CAPRIN2: variants seen among roughly 807,000 people sequenced by gnomAD.
The protein encoded by CAPRIN2 is caprin family member 2.
In CAPRIN2, 66 loss-of-function variants were observed where a neutral mutation model predicts 130.4. That is an observed-to-expected ratio of 0.51 (90% CI 0.42 to 0.62). The LOEUF (loss-of-function observed/expected upper bound fraction) is 0.62. Among genes scored for constraint, CAPRIN2 ranks in the 20% least tolerant of loss-of-function variants. The pLI is 0.00. For synonymous variants in CAPRIN2, 471 were observed against 444.1 expected, an observed-to-expected ratio of 1.06 and a Z score of -0.76; for missense variants, 1,185 against 1,246.6, an observed-to-expected ratio of 0.95 and a Z score of 0.74.
At chr12:30,738,407 G>C (rs1320214771) in intron 3 of CAPRIN2, among the ~76,000 whole-genome samples, 1 of 151,954 alleles carries the variant, frequency 6.6e-6, no homozygotes, top group African/African-American at 2.4e-5. Context: ...ATATGACTTT[G>C]AATAAGTTCC....
chr12:30,734,228 A>G (rs2063689851), intron 4 of CAPRIN2, among the ~76,000 whole-genome samples: 1 of 152,230 alleles, frequency 6.6e-6, no homozygotes. Context: ...GGCTATATAT[A>G]GGCAATTAAG....
chr12:30,719,429 C>G lies in CAPRIN2; in HGVS notation c.2148+1382G>C, dbSNP rs893456283. 229 of 566,356 alleles carry G rather than the reference C, an allele frequency of 4.0e-4. 2 individuals are homozygous for G. The highest frequency in any genetic ancestry group is 8.0e-5 in the Non-Finnish European group (26 of 323,412). The allele number at this position is 566,356 out of a possible 1,614,324, so 35.1% of individuals were successfully genotyped here. A position where few individuals can be genotyped will look rare whatever the true frequency, so the allele number is the denominator to read the frequency against. ...GTATTTGCTTTGCACAGCTTGCTGA[C>G]TAAGTGAAAGAGTCTTACCAATAAT... On this transcript the variant is annotated intron_variant, in intron 12 of 16. Transcript: ENST00000298892.
chr12:30,725,147 A>G (rs1246210246), intron 9 of CAPRIN2, among the ~76,000 whole-genome samples: 3 of 152,230 alleles, frequency 2.0e-5, no homozygotes, highest in Non-Finnish European at 4.4e-5. Context: ...GCATCTATTT[A>G]TCTCAACCAT....
At chr12:30,713,575 T>C (rs1398132109) in intron 15 of CAPRIN2, among the ~76,000 whole-genome samples, 2 of 152,212 alleles carry the variant, frequency 1.3e-5, no homozygotes, top group African/African-American at 2.4e-5. Context: ...TAACACCTTC[T>C]AAGTTCCACA....
chr12:30,719,927 T>C (rs2058846818), intron 12 of CAPRIN2: 1 of 152,140 alleles, frequency 6.6e-6, no homozygotes, highest in African/African-American at 2.4e-5. Flanking sequence ...CTATAATGAA[T>C]ACATATTCTT....
chr12:30,733,222 T>G (rs1182582381), intron 5 of CAPRIN2, among the ~76,000 whole-genome samples: 1 of 152,144 alleles, frequency 6.6e-6, no homozygotes, highest in Non-Finnish European at 1.5e-5. Context: ...AACGTTTCAA[T>G]AGACTATAAA....
chr12:30,712,902 G>A (rs1051086634), intron 15 of CAPRIN2, among the ~76,000 whole-genome samples: 5 of 151,926 alleles, frequency 3.3e-5, no homozygotes, highest in Admixed American at 6.6e-5. Context: ...CACCACGTCC[G>A]GCTAATTTTG....
chr12:30,721,995 C>T (rs973101236), intron 11 of CAPRIN2, among the ~76,000 whole-genome samples: 1 of 152,166 alleles, frequency 6.6e-6, no homozygotes, highest in African/African-American at 2.4e-5. Flanking sequence ...AGTAATGAGA[C>T]AAGTGCCCAA....
chr12:30,727,037 T>A (rs956195902), intron 8 of CAPRIN2, among the ~76,000 whole-genome samples: 2 of 152,192 alleles, frequency 1.3e-5, no homozygotes, highest in Non-Finnish European at 2.9e-5. Flanking sequence ...ATTAAATATG[T>A]TTTGACCTTT....
intron 2 of CAPRIN2, among the ~76,000 whole-genome samples, chr12:30,747,866 G>A (rs943777299): frequency 3.3e-5 from 5 of 152,118 alleles, no homozygotes; most frequent in African/African-American, 1.2e-4. Context: ...AGGAGTTTGG[G>A]AAAAGCTGAC....
intron 2 of CAPRIN2, among the ~76,000 whole-genome samples, chr12:30,747,375 G>A (rs146566413): frequency 1.9e-4 from 29 of 152,184 alleles, no homozygotes; most frequent in Middle Eastern, 3.4e-3. Context: ...TGACTTTCAC[G>A]TCTTCTTAAG....
chr12:30,735,298 G>T, intron 3 of CAPRIN2, 92 bp from the exon 5 acceptor site: 2 of 915,824 alleles, frequency 2.2e-6, no homozygotes, highest in Non-Finnish European at 3.5e-6. Context: ...AAATAGCTGA[G>T]ATTAGATGAT....
chr12:30,734,372 CCCTAG>C (rs1333481103), intron 4 of CAPRIN2, among the ~76,000 whole-genome samples: 4 of 152,130 alleles, frequency 2.6e-5, no homozygotes, highest in African/African-American at 7.2e-5. Flanking sequence ...AGCATCTGTC[CCCTAG>C]CTGATTTACT....
chr12:30,750,595 G>A lies in CAPRIN2; in HGVS notation c.483+476C>T, dbSNP rs185711616. Among the ~76,000 whole-genome samples the A allele has an allele frequency of 2.0e-3, 302 of 151,696 alleles. 1 individual carries two copies. The highest frequency in any genetic ancestry group is 7.0e-3 in the African/African-American group (289 of 41,334). ...TAATATGCCTCCTGAGAGGGCACAC[G>A]AAAACCCAGGATAGAAAAGTAGGAA... On this transcript the variant is annotated intron_variant, in intron 2 of 16. Coordinates refer to ENST00000298892, the Ensembl canonical transcript of CAPRIN2.
intron 1 of CAPRIN2, among the ~76,000 whole-genome samples, chr12:30,753,021 C>G (rs1486715269): frequency 6.6e-6 from 1 of 152,132 alleles, no homozygotes; most frequent in Non-Finnish European, 1.5e-5. Flanking sequence ...GGAAAACAAG[C>G]TAAAAAATCA....
intron 5 of CAPRIN2, among the ~76,000 whole-genome samples, chr12:30,731,960 T>A (rs1397677607): frequency 6.6e-6 from 1 of 151,990 alleles, no homozygotes; most frequent in East Asian, 1.9e-4. Flanking sequence ...CTTCCCCAAG[T>A]AATTAAGGCT....
exon 1 of CAPRIN2, chr12:30,753,969 G>A (rs1409738998): frequency 3.6e-6 from 2 of 552,368 alleles, no homozygotes; most frequent in African/African-American, 1.9e-5. Context: ...AAAAGAATAA[G>A]CTTTCCACAC....
chr12:30,735,564 AT>A (rs1249677043), intron 3 of CAPRIN2, among the ~76,000 whole-genome samples: 5 of 151,896 alleles, frequency 3.3e-5, no homozygotes, highest in East Asian at 1.9e-4. Context: ...ACCTTTTAGG[AT>A]TTTTTTTAAA....
chr12:30,723,395 C>A, intron 10 of CAPRIN2, 81 bp from the exon 12 acceptor site: 1 of 940,290 alleles, frequency 1.1e-6, no homozygotes, highest in Admixed American at 2.0e-5. Context: ...CTAAAGTTTA[C>A]ACTTCACAAA....
Sources: allele counts gnomAD v4.1 joint callset (sites outside exome capture counted in the v4.1 genomes callset), GRCh38; gene constraint gnomAD v4.1.1; transcripts MANE v1.5; gene names NCBI Gene and HGNC (gene_info 2026-07-23, HGNC 2026-07-21).